The following MTPN variants were observed in gnomAD, a reference collection of about 807,000 sequenced individuals.
The protein encoded by MTPN is granule cell differentiation protein.
MTPN carries 2 observed loss-of-function variants against 13.5 expected under a neutral mutation model. The observed-to-expected ratio is 0.15, with a 90% CI of 0.06 to 0.47. MTPN has a LOEUF of 0.47. Among genes scored for constraint, MTPN ranks in the 20% least tolerant of loss-of-function variants. The pLI, the probability that MTPN is intolerant of heterozygous loss-of-function variation, is 0.97. For synonymous variants in MTPN, 46 were observed against 51.7 expected, an observed-to-expected ratio of 0.89 and a Z score of 0.48; for missense variants, 79 against 137.9, an observed-to-expected ratio of 0.57 and a Z score of 2.14.
intron 3 of MTPN, among the ~76,000 whole-genome samples, chr7:135,943,390 G>C (rs1392003021): frequency 6.6e-6 from 1 of 152,210 alleles, no homozygotes; most frequent in Non-Finnish European, 1.5e-5. Context: ...ACTTCCCTGA[G>C]GAGTCAACAA....
intron 1 of MTPN, among the ~76,000 whole-genome samples, chr7:135,952,971 A>T (rs1799386579): frequency 6.6e-6 from 1 of 151,960 alleles, no homozygotes; most frequent in Non-Finnish European, 1.5e-5. Context: ...GACAAAGTTT[A>T]TTTTCTCAAC....
intron 1 of MTPN, among the ~76,000 whole-genome samples, chr7:135,965,048 A>G (rs1792826561): frequency 6.6e-6 from 1 of 152,046 alleles, no homozygotes; most frequent in African/African-American, 2.4e-5. Flanking sequence ...TATGATAGAG[A>G]CTGTGTGACT....
rs552750943 is a variant in MTPN, at chr7:135,938,483, T to G, written c.271-8471A>C. Among the ~76,000 whole-genome samples, 3 of 152,362 alleles carry G rather than the reference T, an allele frequency of 2.0e-5. No individual in the cohort carries two copies. In the South Asian group the frequency reaches 6.2e-4, roughly 32 times the overall value. Reference sequence around the variant, plus strand: ...TATTTGCAATGTTTCTAGTTTAACATTTTATGACAGACACTTATCAGGTCA... The same window carrying G: ...TATTTGCAATGTTTCTAGTTTAACAGTTTATGACAGACACTTATCAGGTCA... On this transcript the variant is annotated intron_variant, in intron 3 of 3. Coordinates refer to ENST00000393085, the MANE Select transcript of MTPN (RefSeq NM_145808.4).
intron 1 of MTPN, among the ~76,000 whole-genome samples, chr7:135,955,836 G>T (rs1489640222): frequency 8.1e-6 from 1 of 122,976 alleles, no homozygotes. Context: ...CATCTCAATG[G>T]ATTATAAAAA....
chr7:135,972,979 A>G (rs562088607), intron 1 of MTPN, among the ~76,000 whole-genome samples: 3 of 151,786 alleles, frequency 2.0e-5, no homozygotes, highest in Non-Finnish European at 4.4e-5. Context: ...CAGGGTCTGG[A>G]GCAGAGTGCT....
At chr7:135,930,797 C>T (rs1799008285) in intron 3 of MTPN, among the ~76,000 whole-genome samples, 1 of 152,160 alleles carries the variant, frequency 6.6e-6, no homozygotes, top group Admixed American at 6.5e-5. Context: ...CAAACCAGGT[C>T]TGATTCTTAA....
chr7:135,971,750 T>C (rs926111122), intron 1 of MTPN, among the ~76,000 whole-genome samples: 1 of 152,216 alleles, frequency 6.6e-6, no homozygotes, highest in African/African-American at 2.4e-5. Flanking sequence ...AAACATACTT[T>C]TTTCAAAATG....
chr7:135,929,284 A>C lies in MTPN; in HGVS notation c.*642T>G, dbSNP rs1798976509. The C allele has an allele frequency of 6.0e-6, 1 of 167,120 alleles. No individual in the cohort carries two copies. Among genetic ancestry groups the C allele is most frequent in the African/African-American group, 2.4e-5 (1 of 41,466 alleles). 10.4% of individuals were successfully genotyped at this position (167,120 alleles called of 1,614,324 possible). ...TTTTATCTAAAGAGACATGAAATCC[A>C]TGTGAAAGGGGAGAGAAAATCCAAA... On this transcript the variant is annotated 3_prime_UTR_variant, in exon 4 of 4. Transcript: ENST00000393085.
intron 2 of MTPN, 125 bp from the exon 3 acceptor site, chr7:135,950,807 TC>T: frequency 1.4e-6 from 1 of 736,912 alleles, no homozygotes; most frequent in Non-Finnish European, 2.3e-6. Context: ...AATCAATCAA[TC>T]CACAGAGTCA....
intron 3 of MTPN, among the ~76,000 whole-genome samples, chr7:135,941,883 T>G (rs1480209787): frequency 1.6e-5 from 2 of 124,756 alleles, no homozygotes; most frequent in African/African-American, 6.3e-5. Context: ...TTATATTACT[T>G]TTTTTTTTTT....
At chr7:135,950,942 T>C (rs145141560) in intron 2 of MTPN, among the ~76,000 whole-genome samples, 2 of 152,260 alleles carry the variant, frequency 1.3e-5, no homozygotes, top group East Asian at 3.9e-4. Context: ...GCTCTGCCAC[T>C]TACTATGGTA....
chr7:135,961,597 A>G (rs746711526), intron 1 of MTPN, among the ~76,000 whole-genome samples: 3 of 151,898 alleles, frequency 2.0e-5, no homozygotes, highest in Admixed American at 6.6e-5. Context: ...CCTGGGCTAA[A>G]GCAACCCAGC....
chr7:135,955,843 A>T lies in MTPN; in HGVS notation c.73-4213T>A, dbSNP rs556287121. Among the ~76,000 whole-genome samples the T allele has an allele frequency of 1.2e-4, 14 of 116,550 alleles. No individual in the cohort carries two copies. The South Asian group carries it at 2.4e-3, about 20-fold the overall frequency. The allele number at this position is 116,550 out of a possible 152,430, so 76.5% of individuals were successfully genotyped here. On this transcript the variant is annotated intron_variant, in intron 1 of 3. Transcript: ENST00000393085. Reference sequence around the variant, plus strand: ...TGATTGACCATCTCAATGGATTATAAAAAAAAAAAAACCCAATATGCATTT... The same window carrying T: ...TGATTGACCATCTCAATGGATTATATAAAAAAAAAAACCCAATATGCATTT...
Position 135,977,323 on chromosome 7 carries a change from T to C in MTPN, c.-223A>G. On this transcript the variant is annotated 5_prime_UTR_variant, in exon 1 of 4. Transcript: ENST00000393085. The stretch of plus-strand genomic sequence containing the variant: ...CGGCCACCGGGCCCAGCAGAGAGGT[T>C]CCGCCTGGCCGAGGAGAGGCAGGAA... 3 of 582,246 alleles carry C rather than the reference T, an allele frequency of 5.2e-6. No homozygotes were observed. The highest frequency in any genetic ancestry group is 3.1e-6 in the Non-Finnish European group (1 of 325,734). 36.1% of individuals were successfully genotyped at this position (582,246 alleles called of 1,614,324 possible).
chr7:135,949,452 G>A (rs1799330893), intron 3 of MTPN, among the ~76,000 whole-genome samples: 1 of 151,902 alleles, frequency 6.6e-6, no homozygotes, highest in East Asian at 1.9e-4. Flanking sequence ...TTGGCTTTTG[G>A]ACAAATGCAT....
chr7:135,961,743 A>G (rs1799526782), intron 1 of MTPN, among the ~76,000 whole-genome samples: 1 of 152,114 alleles, frequency 6.6e-6, no homozygotes, highest in Non-Finnish European at 1.5e-5. Flanking sequence ...TGCTACTGAG[A>G]GATACCTAAA....
At chr7:135,950,356 G>A (rs1335418474) in intron 3 of MTPN, among the ~76,000 whole-genome samples, 1 of 152,182 alleles carries the variant, frequency 6.6e-6, no homozygotes, top group Non-Finnish European at 1.5e-5. Context: ...TTCTGTGTGT[G>A]TGTGTGTAAA....
intron 3 of MTPN, among the ~76,000 whole-genome samples, chr7:135,937,707 A>G (rs914948653): frequency 3.9e-5 from 6 of 152,124 alleles, no homozygotes; most frequent in African/African-American, 1.4e-4. Flanking sequence ...TAAAAGTTAC[A>G]TGGAGTGTGC....
intron 1 of MTPN, among the ~76,000 whole-genome samples, chr7:135,976,813 G>T (rs576294415): frequency 2.0e-4 from 30 of 152,014 alleles, no homozygotes; most frequent in African/African-American, 6.5e-4. Context: ...CTGTATTAAC[G>T]CAGCAGTTAC....
Sources: gnomAD v4.1 joint callset for allele counts (sites outside exome capture counted in the v4.1 genomes callset) on GRCh38, gnomAD v4.1.1 for gene constraint, MANE v1.5 for transcripts, NCBI Gene and HGNC (gene_info 2026-07-23, HGNC 2026-07-21) for gene names.